The following NPSR1 variants were observed in gnomAD, a reference collection of about 807,000 sequenced individuals.
The protein encoded by NPSR1 is neuropeptide S receptor 1.
Under a neutral mutation model 46.9 loss-of-function variants are expected in NPSR1, and 48 were observed. The observed-to-expected ratio is 1.02, with a 90% confidence interval of 0.81 to 1.30. The LOEUF (loss-of-function observed/expected upper bound fraction) is 1.30. Ranked by LOEUF, NPSR1 falls within the 50% of genes most tolerant of loss-of-function variation. The pLI is 0.00. For synonymous variants in NPSR1, 176 were observed against 168.1 expected, an observed-to-expected ratio of 1.05 and a Z score of -0.36; for missense variants, 450 against 449.5, an observed-to-expected ratio of 1.00 and a Z score of -0.01.
intron 8 of NPSR1, among the ~76,000 whole-genome samples, chr7:34,863,310 A>G (rs1039157656): frequency 5.9e-5 from 9 of 151,872 alleles, no homozygotes; most frequent in South Asian, 2.1e-4. Context: ...CCATTAGGAC[A>G]TAGGTATGGG....
chr7:34,852,953 C>T (rs1287915050), downstream of NPSR1, among the ~76,000 whole-genome samples: 1 of 152,202 alleles, frequency 6.6e-6, no homozygotes, highest in Non-Finnish European at 1.5e-5. Flanking sequence ...GTAAAAACTT[C>T]TCTACTTGCA....
chr7:34,775,451 G>C (rs1786912182), intron 2 of NPSR1, among the ~76,000 whole-genome samples: 1 of 152,120 alleles, frequency 6.6e-6, no homozygotes, highest in African/African-American at 2.4e-5. Flanking sequence ...TAATTCAGCA[G>C]AGAAGCCATC....
intron 2 of NPSR1, among the ~76,000 whole-genome samples, chr7:34,726,495 A>C (rs540853693): frequency 3.5e-4 from 54 of 152,256 alleles, no homozygotes; most frequent in African/African-American, 1.2e-3. Context: ...ATAATTCATC[A>C]ATCACACTTC....
chr7:34,751,863 C>A, intron 2 of NPSR1: 2 of 1,577,220 alleles, frequency 1.3e-6, no homozygotes, highest in African/African-American at 1.3e-5. Flanking sequence ...TGAATGGGAT[C>A]CAGAGTGGGT....
At chr7:34,807,353 C>G (rs1330467949) in intron 3 of NPSR1, among the ~76,000 whole-genome samples, 1 of 151,564 alleles carries the variant, frequency 6.6e-6, no homozygotes, top group Non-Finnish European at 1.5e-5. Context: ...CTATTTTTTT[C>G]TATCTGTATA....
intron 1 of NPSR1, among the ~76,000 whole-genome samples, chr7:34,669,894 A>C (rs1156528275): frequency 6.6e-6 from 1 of 152,304 alleles, no homozygotes; most frequent in African/African-American, 2.4e-5. Context: ...ATCGTGAAAA[A>C]ACGAGAGTGT....
intron 2 of NPSR1, among the ~76,000 whole-genome samples, chr7:34,759,405 G>T (rs938151318): frequency 2.6e-5 from 4 of 152,046 alleles, no homozygotes; most frequent in African/African-American, 9.7e-5. Context: ...TATTCTGTGG[G>T]TTATAATTTG....
At chr7:34,791,207 TTA>T (rs889545517) in intron 3 of NPSR1, among the ~76,000 whole-genome samples, 7 of 86,684 alleles carry the variant, frequency 8.1e-5, no homozygotes, top group East Asian at 3.1e-4. Flanking sequence ...ATATATTATA[TTA>T]TATATGTTAT....
intron 2 of NPSR1, among the ~76,000 whole-genome samples, chr7:34,746,850 G>T (rs1785227329): frequency 6.6e-6 from 1 of 152,126 alleles, no homozygotes; most frequent in Admixed American, 6.5e-5. Context: ...TTTCTGGCTG[G>T]GTGCGGTGAC....
At chr7:34,866,685 TA>T (rs1242497576) in intron 8 of NPSR1, among the ~76,000 whole-genome samples, 1 of 151,534 alleles carries the variant, frequency 6.6e-6, no homozygotes, top group Non-Finnish European at 1.5e-5. Context: ...TGCCTTGAGG[TA>T]AAAACTTTGG....
chr7:34,868,037 A>G (rs1415889364), intron 8 of NPSR1, among the ~76,000 whole-genome samples: 3 of 151,896 alleles, frequency 2.0e-5, no homozygotes, highest in African/African-American at 4.9e-5. Context: ...TCAAATGAGA[A>G]GAATCTAAGA....
intron 5 of NPSR1, 31 bp from the exon 6 acceptor site, chr7:34,834,353 A>G: frequency 1.9e-6 from 3 of 1,561,818 alleles, no homozygotes; most frequent in Non-Finnish European, 2.6e-6. Flanking sequence ...TCCACCAGTC[A>G]CTTTAATACT....
chr7:34,756,166 G>C (rs190113435), intron 2 of NPSR1, among the ~76,000 whole-genome samples: 1 of 152,250 alleles, frequency 6.6e-6, no homozygotes, highest in East Asian at 1.9e-4. Context: ...TCAACAGCTC[G>C]GATTGTTCTC....
At chr7:34,707,956 G>A (rs575299962) in intron 2 of NPSR1, among the ~76,000 whole-genome samples, 6 of 152,068 alleles carry the variant, frequency 3.9e-5, no homozygotes, top group Non-Finnish European at 7.4e-5. Context: ...TGTCTTCTCC[G>A]TTTTTTTCAC....
intron 2 of NPSR1, chr7:34,751,489 T>C: frequency 1.5e-6 from 2 of 1,309,150 alleles, no homozygotes; most frequent in South Asian, 2.4e-5. Context: ...TGCCTCCGTG[T>C]CATCTGCTGC....
At chr7:34,673,568 C>A (rs747136764) in intron 1 of NPSR1, among the ~76,000 whole-genome samples, 4 of 152,132 alleles carry the variant, frequency 2.6e-5, no homozygotes, top group African/African-American at 9.7e-5. Flanking sequence ...ATTCAACAGG[C>A]CTAGGCTTCA....
chr7:34,806,930 A>T (rs944923029), intron 3 of NPSR1, among the ~76,000 whole-genome samples: 60 of 151,860 alleles, frequency 4.0e-4, no homozygotes, highest in African/African-American at 1.4e-3. Flanking sequence ...TCTGTGCAAG[A>T]TTTTCTTTAG....
rs558231580 is a variant in NPSR1 at position 34,684,517 on chromosome 7, G to A, written c.148-35G>A. The stretch of plus-strand genomic sequence containing the variant: ...TCTGTAAAGAACTCCAGTTCTCACT[G>A]GTACACTGGTTTTATTTTTCTCTGT... On this transcript the variant is annotated intron_variant, in intron 1 of 8. Coordinates refer to ENST00000360581, the MANE Select transcript of NPSR1 (RefSeq NM_207172.2). 5.7e-5 allele frequency: 91 copies of A among 1,608,238 alleles called. No homozygotes were observed. The South Asian group carries it at 9.1e-4, about 16-fold the overall frequency.
intron 1 of NPSR1, among the ~76,000 whole-genome samples, chr7:34,658,983 TG>T (rs1487747127): frequency 3.3e-5 from 5 of 152,202 alleles, no homozygotes; most frequent in Non-Finnish European, 7.3e-5. Flanking sequence ...GTGACTGATA[TG>T]ATGAGAAACA....
Sources: gnomAD v4.1 joint callset for allele counts (sites outside exome capture counted in the v4.1 genomes callset) on GRCh38, gnomAD v4.1.1 for gene constraint, MANE v1.5 for transcripts, NCBI Gene and HGNC (gene_info 2026-07-23, HGNC 2026-07-21) for gene names.